BAZ2B: variants seen among roughly 807,000 people sequenced by gnomAD.
BAZ2B encodes the protein bromodomain adjacent to zinc finger domain 2B.
A neutral mutation model predicts 246.0 loss-of-function variants in BAZ2B; 91 were observed. The observed-to-expected ratio is 0.37, with a 90% CI of 0.31 to 0.44. BAZ2B has a LOEUF of 0.44. Ranked by LOEUF, BAZ2B falls within the 20% of genes least tolerant of loss-of-function variation. The probability of loss-of-function intolerance (pLI) is 1.00; values close to 1 mark genes in which losing one functional copy is unlikely to be tolerated. For synonymous variants in BAZ2B, 855 were observed against 860.0 expected (o/e 0.99, Z 0.10); for missense variants, 2,332 against 2,533.7 (o/e 0.92, Z 1.71).
At chr2:159,425,250 G>A (rs980845471) in intron 13 of BAZ2B, among the ~76,000 whole-genome samples, 3 of 151,992 alleles carry the variant, frequency 2.0e-5, no homozygotes, top group South Asian at 2.1e-4. Flanking sequence ...GCCTGATCTC[G>A]GCTCACTGCA....
intron 9 of BAZ2B, among the ~76,000 whole-genome samples, chr2:159,432,299 A>G (rs888338659): frequency 2.0e-5 from 3 of 152,160 alleles, no homozygotes; most frequent in African/African-American, 7.2e-5. Context: ...ATTAAATCAG[A>G]GAGTCCTCTA....
chr2:159,424,609 G>GA lies in BAZ2B; in HGVS notation c.2466+3331dup, dbSNP rs769003015. 2.6e-5 allele frequency among the ~76,000 whole-genome samples: 4 copies of GA among 152,098 alleles called. No individual in the cohort carries two copies. In the East Asian group the frequency reaches 5.8e-4, roughly 22 times the overall value. ...ATATGTTTTAAGATTAAAAAATGAT[G>GA]AAAAAAATATACTTCCCAGGAAAAT... On this transcript the variant is annotated intron_variant, in intron 13 of 36. Coordinates refer to ENST00000392783, the MANE Select transcript of BAZ2B (RefSeq NM_013450.4).
chr2:159,606,546 A>G (rs897315577), intron 1 of BAZ2B, among the ~76,000 whole-genome samples: 5 of 152,198 alleles, frequency 3.3e-5, no homozygotes, highest in Admixed American at 6.5e-5. Flanking sequence ...AGAAACCAGA[A>G]AAGATAGTAA....
Position 159,431,537 on chromosome 2 carries a change from G to A in BAZ2B, c.1901-381C>T, listed in dbSNP as rs377561204. Among the ~76,000 whole-genome samples, 22 of 152,254 alleles carry A rather than the reference G, an allele frequency of 1.4e-4. No individual in the cohort carries two copies. In the East Asian group the frequency reaches 4.1e-3, roughly 28 times the overall value. ...ATGAAGTACAGTAAGTCAAATATGA[G>A]AAAGAGAAATCTGAAACTACCAGCA... On this transcript the variant is annotated intron_variant, in intron 9 of 36. Coordinates refer to ENST00000392783, the MANE Select transcript of BAZ2B (RefSeq NM_013450.4).
intron 1 of BAZ2B, among the ~76,000 whole-genome samples, chr2:159,607,359 A>T (rs1330434493): frequency 6.6e-6 from 1 of 152,142 alleles, no homozygotes; most frequent in Non-Finnish European, 1.5e-5. Flanking sequence ...TTTCCAGAAA[A>T]ACTGTTCACA....
At chr2:159,539,784 C>CT (rs1005060092) in intron 2 of BAZ2B, among the ~76,000 whole-genome samples, 16 of 151,860 alleles carry the variant, frequency 1.1e-4, no homozygotes, top group East Asian at 3.9e-4. Context: ...GAAGCTTAAA[C>CT]TTTTTTTTTA....
intron 27 of BAZ2B, among the ~76,000 whole-genome samples, chr2:159,372,395 G>C (rs912649764): frequency 2.0e-5 from 3 of 152,164 alleles, no homozygotes; most frequent in Admixed American, 1.3e-4. Flanking sequence ...TCAGAATTTG[G>C]CATTTGAAAA....
chr2:159,514,917 T>A (rs1427063819), intron 2 of BAZ2B, among the ~76,000 whole-genome samples: 1 of 152,118 alleles, frequency 6.6e-6, no homozygotes, highest in African/African-American at 2.4e-5. Flanking sequence ...AAACTTAACC[T>A]TTAGAATCTC....
chr2:159,401,338 A>T (rs770140198), intron 16 of BAZ2B, among the ~76,000 whole-genome samples: 4 of 152,216 alleles, frequency 2.6e-5, no homozygotes, highest in Non-Finnish European at 5.9e-5. Context: ...ACATACAGCC[A>T]ATTCTGGATT....
the BAZ2B span, among the ~76,000 whole-genome samples, chr2:159,634,814 A>G: frequency 6.6e-6 from 1 of 152,248 alleles, no homozygotes; most frequent in African/African-American, 2.4e-5. Context: ...TTTGTTTAAA[A>G]GATAGTCAAT....
intron 1 of BAZ2B, among the ~76,000 whole-genome samples, chr2:159,614,376 A>G (rs1360676034): frequency 7.9e-5 from 12 of 152,208 alleles, no homozygotes; most frequent in Non-Finnish European, 1.6e-4. Flanking sequence ...GTTTGACTTA[A>G]TATCTGCTAC....
chr2:159,690,913 T>C, the BAZ2B span, among the ~76,000 whole-genome samples: 1 of 152,178 alleles, frequency 6.6e-6, no homozygotes, highest in Non-Finnish European at 1.5e-5. Context: ...TTCCCAGTAA[T>C]ATGATGAATA....
chr2:159,389,897 G>T (rs963141715), intron 20 of BAZ2B, among the ~76,000 whole-genome samples: 1 of 151,832 alleles, frequency 6.6e-6, no homozygotes, highest in African/African-American at 2.4e-5. Flanking sequence ...TCTTAAGACA[G>T]CACCTGTGAG....
At chr2:159,535,242 C>G (rs1032380744) in intron 2 of BAZ2B, among the ~76,000 whole-genome samples, 1 of 143,404 alleles carries the variant, frequency 7.0e-6, no homozygotes, top group African/African-American at 3.0e-5. Flanking sequence ...ATACACCTGG[C>G]TGGGCGCGGT....
downstream of BAZ2B, among the ~76,000 whole-genome samples, chr2:159,316,216 G>A (rs1395566021): frequency 2.0e-5 from 3 of 152,102 alleles, no homozygotes; most frequent in Non-Finnish European, 4.4e-5. Flanking sequence ...TAAAGAGTGT[G>A]CCATGAATTG....
At chr2:159,377,676 G>T (rs1351945073) in intron 25 of BAZ2B, among the ~76,000 whole-genome samples, 1 of 151,932 alleles carries the variant, frequency 6.6e-6, no homozygotes, top group African/African-American at 2.4e-5. Flanking sequence ...AGCTGGGCGT[G>T]GTGGCAGGCA....
chr2:159,323,467 A>G (rs1217819007), intron 36 of BAZ2B, among the ~76,000 whole-genome samples: 1 of 152,102 alleles, frequency 6.6e-6, no homozygotes, highest in Non-Finnish European at 1.5e-5. Context: ...TGTTAGTTAT[A>G]AATTTCATTG....
At chr2:159,505,785 AAGG>A (rs1430267737) in intron 2 of BAZ2B, among the ~76,000 whole-genome samples, 1 of 152,230 alleles carries the variant, frequency 6.6e-6, no homozygotes, top group East Asian at 1.9e-4. Context: ...AGGAAAATAA[AAGG>A]AGAACAATTC....
intron 27 of BAZ2B, among the ~76,000 whole-genome samples, chr2:159,357,256 A>G (rs541817590): frequency 6.6e-6 from 1 of 152,180 alleles, no homozygotes; most frequent in African/African-American, 2.4e-5. Context: ...GCTAACTAGA[A>G]TAACCAGTTT....
Sources: allele counts gnomAD v4.1 joint callset (sites outside exome capture counted in the v4.1 genomes callset), GRCh38; gene constraint gnomAD v4.1.1; transcripts MANE v1.5; gene names NCBI Gene and HGNC (gene_info 2026-07-23, HGNC 2026-07-21).